NAGPA: variants seen among roughly 807,000 people sequenced by gnomAD.
NAGPA encodes alpha-N-acetylglucosaminyl phosphodiesterase.
A neutral mutation model predicts 48.5 loss-of-function variants in NAGPA; 56 were observed. That is an observed-to-expected ratio of 1.15 (90% CI 0.93 to 1.44). The LOEUF (loss-of-function observed/expected upper bound fraction) is 1.44, where lower values mean the gene tolerates loss of function less well. Ranked by LOEUF, NAGPA falls within the 40% of genes most tolerant of loss-of-function variation. The probability of loss-of-function intolerance (pLI) is 0.00; values close to 1 mark genes in which losing one functional copy is unlikely to be tolerated. For missense variants in NAGPA, 888 were observed against 735.0 expected, an observed-to-expected ratio of 1.21 and a Z score of -2.41; for synonymous variants, 399 against 315.5, an observed-to-expected ratio of 1.26 and a Z score of -2.81.
chr16:5,032,448 G>T (rs920088988), intron 2 of NAGPA, among the ~76,000 whole-genome samples: 1 of 151,874 alleles, frequency 6.6e-6, no homozygotes, highest in African/African-American at 2.4e-5. Context: ...TTGAGGTCAG[G>T]AGTTCGAGAC....
At position 5,030,405 on chromosome 16, in the gene NAGPA, G is replaced by A. The variant is rs776070820; in HGVS notation, c.771C>T (p.Asp257=). 8.4e-6 allele frequency: 13 copies of A among 1,552,216 alleles called. No individual in the cohort carries two copies. Among genetic ancestry groups the A allele is most frequent in the Admixed American group, 2.0e-5 (1 of 51,102 alleles). The part of the protein sequence containing the change: ...RKGQLVLFHA[D]GQTEQRGINL... ...CTCACCCACGCTGCTCCGTTTGGCC[G>A]TCTGCATGAAAGAGCACCAGCTGCC... The change falls in exon 4 of 10, where the codon GAC becomes GAT. Residue 257 remains aspartate, a synonymous_variant. Coordinates refer to ENST00000312251, the MANE Select transcript of NAGPA (RefSeq NM_016256.4).
chr16:5,027,227 G>C, intron 8 of NAGPA, 29 bp from the exon 9 acceptor site: 4 of 1,614,232 alleles, frequency 2.5e-6, no homozygotes, highest in Non-Finnish European at 3.4e-6. Context: ...AGGCTGAAGG[G>C]GCCGGAGCAG....
At chr16:5,027,791 G>A in intron 7 of NAGPA, 55 bp downstream of exon 7, 2 of 1,547,862 alleles carry the variant, frequency 1.3e-6, no homozygotes, top group Non-Finnish European at 1.7e-6. Flanking sequence ...GAGGAGCAGT[G>A]GGGGCTGCCG....
Position 5,033,605 on chromosome 16 carries a change from A to T in NAGPA, c.210T>A (p.Thr70=). The part of the protein sequence containing the change: ...EHESWPPPPA[T]PGAGGLAVRT... ...GCACGGCCAGACCGCCGGCGCCGGG[A>T]GTCGCGGGAGGCGGAGGCCAACTCT... The change falls in exon 2 of 10, where the codon ACT becomes ACA. Residue 70 remains threonine (T), a synonymous_variant. Coordinates refer to ENST00000312251, the MANE Select transcript of NAGPA (RefSeq NM_016256.4). The surrounding 1 kb of genome is among the most constrained non-coding windows in gnomAD (Gnocchi z 4.2). 6.7e-7 allele frequency: 1 copy of T among 1,499,200 alleles called. No homozygotes were observed. The highest frequency in any genetic ancestry group is 1.3e-5 in the South Asian group (1 of 77,578). The allele number at this position is 1,499,200 out of a possible 1,614,324, so 92.9% of individuals were successfully genotyped here. A position where few individuals can be genotyped will look rare whatever the true frequency, so the allele number is the denominator to read the frequency against.
Position 5,033,839 on chromosome 16 carries a change from G to C in NAGPA, c.76C>G (p.Leu26Val), listed in dbSNP as rs1327340771. ...FGFLWEASGG[L>V]DSGASRDDDL... ...GGGAGCTGCACTCACCCCGAGTCGA[G>C]GCCGCCGGACGCTTCCCAGAGGAAG... The change falls in exon 1 of 10, where the codon CTC becomes GTC. Residue 26 changes from leucine to valine, a missense_variant. Physicochemically the swap from Leu to Val is conservative, Grantham distance 32. Transcript: ENST00000312251. This position sits in a 1 kb window ranked among gnomAD's most constrained non-coding sequence, Gnocchi z 4.2. 2 of 1,550,638 alleles carry C rather than the reference G, an allele frequency of 1.3e-6. No individual in the cohort carries two copies. Among genetic ancestry groups the C allele is most frequent in the Admixed American group, 2.0e-5 (1 of 51,042 alleles).
intron 4 of NAGPA, chr16:5,030,016 C>G: frequency 2.6e-6 from 1 of 386,596 alleles, no homozygotes; most frequent in South Asian, 2.5e-5. Flanking sequence ...ACTCTCTTTA[C>G]AGGGGCTAGA....
chr16:5,025,391 C>T lies in NAGPA; in HGVS notation c.*87G>A, dbSNP rs748025953. ...GGGCTGAGGACACCCAGATGGTCCA[C>T]GCCAGTGGCCTTGAAATTTCCCCTG... On this transcript the variant is annotated 3_prime_UTR_variant, in exon 10 of 10. Transcript: ENST00000312251. 54 of 1,514,140 alleles carry T rather than the reference C, an allele frequency of 3.6e-5. No homozygotes were observed. Among genetic ancestry groups the T allele is most frequent in the Non-Finnish European group, 4.4e-5 (49 of 1,106,020 alleles). The allele number at this position is 1,514,140 out of a possible 1,614,324, so 93.8% of individuals were successfully genotyped here. A position where few individuals can be genotyped will look rare whatever the true frequency, so the allele number is the denominator to read the frequency against.
Position 5,033,575 on chromosome 16 carries a change from G to T in NAGPA, c.240C>A (p.Thr80=). 6.7e-7 allele frequency: 1 copy of T among 1,497,160 alleles called. No homozygotes were observed. The highest frequency in any genetic ancestry group is 1.3e-5 in the South Asian group (1 of 79,112). The allele number at this position is 1,497,160 out of a possible 1,614,324, so 92.7% of individuals were successfully genotyped here. The change falls in exon 2 of 10, where the codon ACC becomes ACA. Residue 80 remains threonine, a synonymous_variant. Coordinates refer to ENST00000312251, the MANE Select transcript of NAGPA (RefSeq NM_016256.4). This position sits in a 1 kb window ranked among gnomAD's most constrained non-coding sequence, Gnocchi z 4.2. ...CGCGGTCCCTGAAGTGCGACACGAAGGTGCGCACGGCCAGACCGCCGGCGC... is the reference window on the plus strand; with the variant it reads ...CGCGGTCCCTGAAGTGCGACACGAATGTGCGCACGGCCAGACCGCCGGCGC... ...TPGAGGLAVR[T]FVSHFRDRAV... is the part of the protein sequence containing the mutation.
chr16:5,028,849 G>A (rs1165666832), intron 5 of NAGPA, 31 bp downstream of exon 5: 3 of 1,613,568 alleles, frequency 1.9e-6, no homozygotes, highest in Non-Finnish European at 2.5e-6. Context: ...CTGGACTTCA[G>A]CCCTCACGAA....
In NAGPA at chr16:5,033,719, G is replaced by A; in HGVS notation, c.96C>T (p.Arg32=). 6.2e-7 allele frequency: 1 copy of A among 1,603,796 alleles called. No individual in the cohort carries two copies. The highest frequency in any genetic ancestry group is 8.5e-7 in the Non-Finnish European group (1 of 1,177,490). The change falls in exon 2 of 10, where the codon CGC becomes CGT. Residue 32 remains arginine, a synonymous_variant. Transcript: ENST00000312251. The surrounding 1 kb of genome is among the most constrained non-coding windows in gnomAD (Gnocchi z 4.2). ...GATAGGGCAGTAGCAAGTCGTCGTC[G>A]CGGGAGGCCCTGCGGGGACGGGCGG... ...ASGGLDSGAS[R]DDDLLLPYPR...
intron 9 of NAGPA, 94 bp from the exon 10 acceptor site, chr16:5,025,779 A>G (rs75830252): frequency 1.5e-6 from 2 of 1,337,744 alleles, no homozygotes; most frequent in Non-Finnish European, 2.1e-6. Context: ...CGGCATAGAT[A>G]GCACTAAATC....
chr16:5,031,559 A>G (rs1025786387), intron 3 of NAGPA, 186 bp downstream of exon 3: 15 of 773,844 alleles, frequency 1.9e-5, no homozygotes, highest in African/African-American at 1.9e-4. Context: ...AGCATATTCT[A>G]TAACTATTTT....
At chr16:5,032,009 G>C in intron 2 of NAGPA, 125 bp from the exon 3 acceptor site, 1 of 1,304,820 alleles carries the variant, frequency 7.7e-7, no homozygotes, top group South Asian at 1.2e-5. Context: ...AACCTCCTGG[G>C]GCCTGAGTGT....
In NAGPA at chr16:5,025,160, C is replaced by T. The variant is rs553628538; in HGVS notation, c.*318G>A. ...TCACTGAGTCTGGTTCGTTGGCAGCCCCTTCCCCAGGAGGAGGGAGACTCT... is the reference window on the plus strand; with the variant it reads ...TCACTGAGTCTGGTTCGTTGGCAGCTCCTTCCCCAGGAGGAGGGAGACTCT... On this transcript the variant is annotated 3_prime_UTR_variant, in exon 10 of 10. Coordinates refer to ENST00000312251, the MANE Select transcript of NAGPA (RefSeq NM_016256.4). The T allele has an allele frequency of 7.2e-4, 309 of 426,590 alleles. 2 individuals are homozygous for T. The highest frequency in any genetic ancestry group is 5.8e-3 in the African/African-American group (293 of 50,126). The allele number at this position is 426,590 out of a possible 1,614,324, so 26.4% of individuals were successfully genotyped here. A position where few individuals can be genotyped will look rare whatever the true frequency, so the allele number is the denominator to read the frequency against.
Position 5,033,773 on chromosome 16 carries a change from G to T in NAGPA, c.87-45C>A. 1 of 1,583,820 alleles carries T rather than the reference G, an allele frequency of 6.3e-7. No individual in the cohort carries two copies. Among genetic ancestry groups the T allele is most frequent in the African/African-American group, 1.3e-5 (1 of 74,654 alleles). ...TGAGCTCAGGGGGCTGTCCTCGTGAGCTCGGAGGACAGGGGGGACCCCCCG... is the reference window on the plus strand; with the variant it reads ...TGAGCTCAGGGGGCTGTCCTCGTGATCTCGGAGGACAGGGGGGACCCCCCG... On this transcript the variant is annotated intron_variant, in intron 1 of 9. Coordinates refer to ENST00000312251, the MANE Select transcript of NAGPA (RefSeq NM_016256.4). The surrounding 1 kb of genome is among the most constrained non-coding windows in gnomAD (Gnocchi z 4.2).
At position 5,031,028 on chromosome 16, in the gene NAGPA, C is replaced by T. The variant is rs370967978; in HGVS notation, c.683-535G>A. 1.8e-3 allele frequency: 323 copies of T among 177,362 alleles called. 1 individual carries two copies. The highest frequency in any genetic ancestry group is 7.4e-3 in the African/African-American group (311 of 41,786). The allele number at this position is 177,362 out of a possible 1,614,324, so 11.0% of individuals were successfully genotyped here. A position where few individuals can be genotyped will look rare whatever the true frequency, so the allele number is the denominator to read the frequency against. On this transcript the variant is annotated intron_variant, in intron 3 of 9. Coordinates refer to ENST00000312251, the MANE Select transcript of NAGPA (RefSeq NM_016256.4). The stretch of plus-strand genomic sequence containing the variant: ...CACTGCAACCTCCACCTCCCAGGTT[C>T]AAGCAATTCTCATGCTTCAGCCTCC...
chr16:5,031,626 G>C, intron 3 of NAGPA, 119 bp downstream of exon 3: 8 of 1,388,670 alleles, frequency 5.8e-6, no homozygotes, highest in Non-Finnish European at 8.2e-6. Context: ...CCAGTACCCA[G>C]AATAGTGCTG....
At chr16:5,030,364 G>C (rs538769563) in intron 4 of NAGPA, 21 bp downstream of exon 4, 23 of 1,546,388 alleles carry the variant, frequency 1.5e-5, no homozygotes, top group Middle Eastern at 2.0e-4. Flanking sequence ...CGGCCGGGGG[G>C]CCTCAGCTCC....
chr16:5,027,073 A>AGGGTGC, intron 9 of NAGPA, 62 bp downstream of exon 9: 1 of 1,586,556 alleles, frequency 6.3e-7, no homozygotes, highest in Non-Finnish European at 8.6e-7. Flanking sequence ...TCACAGGGGA[A>AGGGTGC]GGGTGCGGGA....
Sources: allele counts gnomAD v4.1 joint callset (sites outside exome capture counted in the v4.1 genomes callset), GRCh38; gene constraint gnomAD v4.1.1; non-coding constraint Gnocchi (gnomAD v3.1); transcripts MANE v1.5; gene names NCBI Gene and HGNC (gene_info 2026-07-23, HGNC 2026-07-21).